RGL1: variants seen among roughly 807,000 people sequenced by gnomAD.
RGL1 encodes the protein ral guanine nucleotide dissociation stimulator like 1.
A neutral mutation model predicts 95.2 loss-of-function variants in RGL1; 24 were observed. The ratio of observed to expected loss-of-function variants is 0.25; its 90% confidence interval spans 0.18 to 0.35. The LOEUF (loss-of-function observed/expected upper bound fraction) is 0.35. Among genes scored for constraint, RGL1 ranks in the 10% least tolerant of loss-of-function variants. The pLI is 1.00. For missense variants in RGL1, 715 were observed against 936.3 expected, an observed-to-expected ratio of 0.76 and a Z score of 3.08; for synonymous variants, 329 against 344.9, an observed-to-expected ratio of 0.95 and a Z score of 0.51.
intron 17 of RGL1, 58 bp downstream of exon 17, chr1:183,922,394 C>T (rs1424828819): frequency 8.2e-7 from 1 of 1,223,364 alleles, no homozygotes; most frequent in Non-Finnish European, 1.2e-6. Flanking sequence ...TAGCACATGT[C>T]CACAGTGCTC....
Position 183,755,071 on chromosome 1 carries a change from A to T in RGL1, c.132+12782A>T, listed in dbSNP as rs191834587. 187 of 152,126 alleles carry T rather than the reference A, an allele frequency of 1.2e-3. 1 individual carries two copies. The highest frequency in any genetic ancestry group is 4.4e-3 in the African/African-American group (181 of 41,484). The allele number at this position is 152,126 out of a possible 1,614,324, so 9.4% of individuals were successfully genotyped here. A position where few individuals can be genotyped will look rare whatever the true frequency, so the allele number is the denominator to read the frequency against. The stretch of plus-strand genomic sequence containing the variant: ...GGTATTTAGTCCACTGTACTGCTGG[A>T]ACTGAGTCCTACACACTCCTGTGAG... On this transcript the variant is annotated intron_variant, in intron 2 of 18. Coordinates refer to the RGL1 transcript ENST00000304685.
At chr1:183,902,737 G>A (rs1392462198) in intron 12 of RGL1, 137 bp downstream of exon 12, 25 of 725,406 alleles carry the variant, frequency 3.4e-5, no homozygotes, top group Non-Finnish European at 5.2e-5. Context: ...CATTTTGCTT[G>A]GCATTCTCCT....
chr1:183,705,282 G>A (rs138553252), intron 1 of RGL1, among the ~76,000 whole-genome samples: 304 of 152,192 alleles, frequency 2.0e-3, no homozygotes, highest in African/African-American at 6.7e-3. Context: ...GTGAGCCCTC[G>A]GGTTTGCGGG....
At chr1:183,791,765 G>A (rs925070123) in intron 2 of RGL1, among the ~76,000 whole-genome samples, 2 of 152,226 alleles carry the variant, frequency 1.3e-5, no homozygotes, top group African/African-American at 2.4e-5. Flanking sequence ...TTCCAAGACT[G>A]ATGCTAATCT....
intron 2 of RGL1, among the ~76,000 whole-genome samples, chr1:183,784,560 T>C (rs1481560928): frequency 6.6e-6 from 1 of 152,208 alleles, no homozygotes; most frequent in East Asian, 1.9e-4. Context: ...TCCAGAGTGC[T>C]GAGCCAAAGT....
At position 183,789,694 on chromosome 1, in the gene RGL1, A is replaced by G. The variant is rs144073236; in HGVS notation, c.133-16681A>G. 1.3e-4 allele frequency among the ~76,000 whole-genome samples: 20 copies of G among 152,206 alleles called. No homozygotes were observed. In the East Asian group the frequency reaches 3.3e-3, roughly 25 times the overall value. ...ATTTCTGCTCTATTTAACCAGGTAT[A>G]TTAATTGGAATATAGGTTTGGCTGC... On this transcript the variant is annotated intron_variant, in intron 2 of 18. Transcript: ENST00000304685.
At chr1:183,850,668 A>C (rs1433320945) in intron 3 of RGL1, among the ~76,000 whole-genome samples, 1 of 152,188 alleles carries the variant, frequency 6.6e-6, no homozygotes, top group African/African-American at 2.4e-5. Context: ...CTGGAATATA[A>C]ACTTGGATTG....
chr1:183,807,284 C>T (rs1358491531), intron 2 of RGL1, among the ~76,000 whole-genome samples: 7 of 151,978 alleles, frequency 4.6e-5, no homozygotes, highest in African/African-American at 7.3e-5. Context: ...TCAGACCAGG[C>T]GGTGAGAGGC....
rs140254598 is a variant in RGL1 at position 183,898,646 on chromosome 1, T to C, written c.1230+749T>C. On this transcript the variant is annotated intron_variant, in intron 10 of 17. Coordinates refer to ENST00000360851, the MANE Select transcript of RGL1 (RefSeq NM_001297671.3). The stretch of plus-strand genomic sequence containing the variant: ...TGAATGATAGGACTCTTCCGCAACA[T>C]GAAGCCTATAAAACATTCACAGTGT... Among the ~76,000 whole-genome samples, 1,074 of 152,320 alleles carry C rather than the reference T, an allele frequency of 7.1e-3. 15 individuals carry two copies. Among genetic ancestry groups the C allele is most frequent in the African/African-American group, 0.021 (891 of 41,566 alleles).
At chr1:183,742,416 G>A (rs1301872757) in intron 2 of RGL1, 6 of 1,021,090 alleles carry the variant, frequency 5.9e-6, no homozygotes, top group Non-Finnish European at 7.4e-6. Context: ...TGTAGGCACA[G>A]CCATGACTGG....
intron 1 of RGL1, among the ~76,000 whole-genome samples, chr1:183,662,744 G>T (rs1042106323): frequency 1.3e-5 from 2 of 152,038 alleles, no homozygotes; most frequent in African/African-American, 4.8e-5. Flanking sequence ...AAAAGAGCCC[G>T]CATTGCCAAG....
At chr1:183,756,192 A>ATTTT (rs34988129) in intron 2 of RGL1, among the ~76,000 whole-genome samples, 2 of 140,346 alleles carry the variant, frequency 1.4e-5, no homozygotes. Flanking sequence ...GCCTGAGTTC[A>ATTTT]TTTTTTTTTT....
chr1:183,848,957 C>T (rs1409892134), intron 3 of RGL1, among the ~76,000 whole-genome samples: 3 of 152,014 alleles, frequency 2.0e-5, no homozygotes, highest in African/African-American at 7.2e-5. Context: ...TGTATATATA[C>T]ACACATTTAT....
chr1:183,906,993 GC>G lies in RGL1; in HGVS notation c.1473-14del, dbSNP rs1302607301. The stretch of plus-strand genomic sequence containing the variant: ...AATTCTCTAACTTTGACCTCATGGA[GC>G]CCCCTTCTCTTTCTCAGCTATGCCC... On this transcript the variant is annotated intron_variant, in intron 13 of 17. Coordinates refer to ENST00000360851, the MANE Select transcript of RGL1 (RefSeq NM_001297671.3). The G allele has an allele frequency of 2.1e-6, 3 of 1,459,024 alleles. No homozygotes were observed. Among genetic ancestry groups the G allele is most frequent in the South Asian group, 2.3e-5 (2 of 87,106 alleles). 90.4% of individuals were successfully genotyped at this position (1,459,024 alleles called of 1,614,324 possible). A position where few individuals can be genotyped will look rare whatever the true frequency, so the allele number is the denominator to read the frequency against.
chr1:183,757,204 T>G (rs1184698787), intron 2 of RGL1, among the ~76,000 whole-genome samples: 1 of 152,214 alleles, frequency 6.6e-6, no homozygotes, highest in African/African-American at 2.4e-5. Context: ...ACTGGACATA[T>G]GACCTCTTCT....
chr1:183,828,486 C>T (rs1467762303), intron 2 of RGL1, among the ~76,000 whole-genome samples: 5 of 152,152 alleles, frequency 3.3e-5, no homozygotes, highest in African/African-American at 9.7e-5. Context: ...AATGGGGGGC[C>T]TGACCTACTC....
chr1:183,867,771 C>T (rs886141687), intron 4 of RGL1, among the ~76,000 whole-genome samples: 4 of 151,904 alleles, frequency 2.6e-5, no homozygotes, highest in African/African-American at 9.7e-5. Context: ...ACCTGGGTGC[C>T]TGAAACCACT....
chr1:183,700,284 G>A (rs1163115210), intron 1 of RGL1, among the ~76,000 whole-genome samples: 1 of 152,084 alleles, frequency 6.6e-6, no homozygotes, highest in Non-Finnish European at 1.5e-5. Context: ...GGTAGCACTG[G>A]ATCCAGTCTC....
At chr1:183,746,882 CT>C (rs911043820) in intron 2 of RGL1, among the ~76,000 whole-genome samples, 2 of 152,102 alleles carry the variant, frequency 1.3e-5, no homozygotes, top group African/African-American at 4.8e-5. Flanking sequence ...TCAACTCCCA[CT>C]TATGAGTGAG....
Sources: allele counts gnomAD v4.1 joint callset (sites outside exome capture counted in the v4.1 genomes callset), GRCh38; gene constraint gnomAD v4.1.1; transcripts MANE v1.5; gene names NCBI Gene and HGNC (gene_info 2026-07-23, HGNC 2026-07-21).